The following HDAC4 variants were observed in gnomAD, a reference collection of about 807,000 sequenced individuals.
HDAC4 encodes the protein histone deacetylase 4.
In HDAC4, 16 loss-of-function variants were observed where a neutral mutation model predicts 135.1. The ratio of observed to expected loss-of-function variants is 0.12; its 90% CI spans 0.08 to 0.18. The LOEUF is 0.18. Ranked by LOEUF, HDAC4 falls within the 10% of genes least tolerant of loss-of-function variation. HDAC4 has a pLI of 1.00. For synonymous variants in HDAC4, 685 were observed against 653.4 expected, an observed-to-expected ratio of 1.05 and a Z score of -0.74; for missense variants, 1,143 against 1,511.8, an observed-to-expected ratio of 0.76 and a Z score of 4.05.
chr2:239,196,266 G>T (rs886628975), intron 3 of HDAC4, among the ~76,000 whole-genome samples: 1 of 152,122 alleles, frequency 6.6e-6, no homozygotes, highest in African/African-American at 2.4e-5. Context: ...TGCCATCCAT[G>T]CTGAAGAACA....
rs1399650603 is a variant in HDAC4, at chr2:239,303,306, C to T, written c.22+49372G>A. 6.6e-6 allele frequency among the ~76,000 whole-genome samples: 1 copy of T among 152,222 alleles called. No homozygotes were observed. The highest frequency in any genetic ancestry group is 2.4e-5 in the African/African-American group (1 of 41,460). The stretch of plus-strand genomic sequence containing the variant: ...GAAATAAGTTTCGCTTCCTTTTTAT[C>T]TACGCTCCCGGATTGACTTGTCCTC... On this transcript the variant is annotated intron_variant, in intron 2 of 26. Coordinates refer to ENST00000543185, the MANE Select transcript of HDAC4 (RefSeq NM_001378414.1). The surrounding 1 kb of genome is among the most constrained non-coding windows in gnomAD (Gnocchi z 5.1).
intron 5 of HDAC4, among the ~76,000 whole-genome samples, chr2:239,171,168 C>CA (rs2043426962): frequency 2.2e-5 from 1 of 46,424 alleles, no homozygotes; most frequent in African/African-American, 8.5e-5. Context: ...CACAATCTGA[C>CA]CAAAAAAAAA....
intron 6 of HDAC4, among the ~76,000 whole-genome samples, chr2:239,161,461 T>C (rs1424320857): frequency 6.6e-6 from 1 of 152,184 alleles, no homozygotes; most frequent in Non-Finnish European, 1.5e-5. Flanking sequence ...GAACTAATCA[T>C]GCGTGGTGTG....
intron 2 of HDAC4, among the ~76,000 whole-genome samples, chr2:239,293,841 G>A (rs2051683679): frequency 6.6e-6 from 1 of 152,234 alleles, no homozygotes; most frequent in South Asian, 2.1e-4. Flanking sequence ...ATAAAAACCT[G>A]ACGGCGAGAA....
chr2:239,130,849 C>A (rs1040316049), intron 11 of HDAC4, among the ~76,000 whole-genome samples: 2 of 152,236 alleles, frequency 1.3e-5, no homozygotes, highest in African/African-American at 4.8e-5. Flanking sequence ...CAAAGTCCTG[C>A]TTCTCAGCCA....
At chr2:239,320,573 T>C (rs1321952232) in intron 2 of HDAC4, among the ~76,000 whole-genome samples, 2 of 152,184 alleles carry the variant, frequency 1.3e-5, no homozygotes, top group East Asian at 1.9e-4. Context: ...CAAAACTATT[T>C]TGCTGTTGAA....
chr2:239,337,703 C>T (rs1472363371), intron 2 of HDAC4, among the ~76,000 whole-genome samples: 1 of 152,108 alleles, frequency 6.6e-6, no homozygotes, highest in African/African-American at 2.4e-5. Context: ...CCCAAACATA[C>T]GGCGACGGGG....
chr2:239,060,796 C>A (rs919627624), intron 24 of HDAC4, among the ~76,000 whole-genome samples: 4 of 152,248 alleles, frequency 2.6e-5, no homozygotes, highest in African/African-American at 9.6e-5. Flanking sequence ...CAAGCAAACC[C>A]GGAGCAGCCC....
chr2:239,163,768 G>A (rs748046290), intron 6 of HDAC4, 35 bp downstream of exon 6: 2 of 1,608,328 alleles, frequency 1.2e-6, no homozygotes, highest in Non-Finnish European at 1.7e-6. Flanking sequence ...GGCCCCCAGA[G>A]AGGAGGCCGG....
chr2:239,328,610 A>T (rs1041733736), intron 2 of HDAC4, among the ~76,000 whole-genome samples: 1 of 152,212 alleles, frequency 6.6e-6, no homozygotes, highest in Non-Finnish European at 1.5e-5. Context: ...TGGGGGAGGA[A>T]AAAGAAACAC....
intron 1 of HDAC4, among the ~76,000 whole-genome samples, chr2:239,358,099 C>A (rs566160297): frequency 3.9e-5 from 6 of 152,294 alleles, no homozygotes; most frequent in African/African-American, 1.4e-4. Context: ...GGGCCTGAAT[C>A]CATCAGAGCA....
intron 2 of HDAC4, among the ~76,000 whole-genome samples, chr2:239,316,043 C>T (rs1053912303): frequency 3.9e-5 from 6 of 152,122 alleles, no homozygotes; most frequent in African/African-American, 1.4e-4. Flanking sequence ...ACTGTGTGAA[C>T]AGAGACCAAA....
At chr2:239,310,471 G>A (rs1450140142) in intron 2 of HDAC4, among the ~76,000 whole-genome samples, 1 of 152,214 alleles carries the variant, frequency 6.6e-6, no homozygotes, top group African/African-American at 2.4e-5. Context: ...GTGAGAGAGT[G>A]TGATGTTCCC....
At chr2:239,217,826 C>T (rs556787010) in intron 3 of HDAC4, among the ~76,000 whole-genome samples, 17 of 152,318 alleles carry the variant, frequency 1.1e-4, no homozygotes, top group African/African-American at 3.1e-4. Context: ...CAACAGCTCA[C>T]GCCTGTAATC....
At chr2:239,280,098 T>C (rs2050617408) in intron 2 of HDAC4, among the ~76,000 whole-genome samples, 1 of 152,128 alleles carries the variant, frequency 6.6e-6, no homozygotes, top group Admixed American at 6.5e-5. Context: ...CTGGCCATGC[T>C]GATGAAATCT....
chr2:239,111,273 T>C (rs1294284993), intron 14 of HDAC4, among the ~76,000 whole-genome samples: 1 of 152,188 alleles, frequency 6.6e-6, no homozygotes, highest in African/African-American at 2.4e-5. Flanking sequence ...GAGGAGACCA[T>C]GGGTCTCTGG....
intron 2 of HDAC4, among the ~76,000 whole-genome samples, chr2:239,279,710 A>G (rs1312345348): frequency 6.6e-6 from 1 of 152,200 alleles, no homozygotes; most frequent in East Asian, 1.9e-4. Flanking sequence ...ACCTGGGGAC[A>G]AGAACCAGCC....
At chr2:239,304,542 T>G (rs1359382496) in intron 2 of HDAC4, among the ~76,000 whole-genome samples, 1 of 152,212 alleles carries the variant, frequency 6.6e-6, no homozygotes, top group Non-Finnish European at 1.5e-5. Context: ...GAGTTGCTTA[T>G]GCCTGCGTAA....
chr2:239,235,633 C>T (rs1204686665), intron 3 of HDAC4, among the ~76,000 whole-genome samples: 2 of 152,206 alleles, frequency 1.3e-5, no homozygotes, highest in Non-Finnish European at 2.9e-5. Flanking sequence ...AAGAATGGTA[C>T]CCTCACAAGG....
Sources: gnomAD v4.1 joint callset for allele counts (sites outside exome capture counted in the v4.1 genomes callset) on GRCh38, gnomAD v4.1.1 for gene constraint, Gnocchi (gnomAD v3.1) non-coding constraint, MANE v1.5 for transcripts, NCBI Gene and HGNC (gene_info 2026-07-23, HGNC 2026-07-21) for gene names.